Variants in TCF12 observed in about 807,000 individuals in gnomAD.
TCF12 encodes transcription factor 12, also known as DNA-binding protein HTF4.
TCF12 carries 45 observed loss-of-function variants against 86.0 expected under a neutral mutation model. The ratio of observed to expected loss-of-function variants is 0.52; its 90% CI spans 0.41 to 0.67. The LOEUF is 0.67. Among genes scored for constraint, TCF12 ranks in the 30% least tolerant of loss-of-function variants. TCF12 has a pLI of 0.00. For missense variants in TCF12, 881 were observed against 859.9 expected (o/e 1.02, Z -0.31); for synonymous variants, 330 against 299.6 (o/e 1.10, Z -1.05).
At chr15:57,044,606 T>C (rs1447409409) in intron 3 of TCF12, among the ~76,000 whole-genome samples, 1 of 152,180 alleles carries the variant, frequency 6.6e-6, no homozygotes, top group African/African-American at 2.4e-5. Flanking sequence ...TTGTAATTTT[T>C]TTTTCAGCCT....
At chr15:57,290,948 C>T (rs1221282761), downstream of TCF12, 3 of 152,172 alleles carry the variant, frequency 2.0e-5, no homozygotes, top group African/African-American at 7.2e-5. Flanking sequence ...TAGCTGATCT[C>T]ATTGGGCCAA....
At chr15:57,118,006 A>G (rs765153745) in intron 5 of TCF12, among the ~76,000 whole-genome samples, 6 of 152,090 alleles carry the variant, frequency 3.9e-5, no homozygotes, top group Non-Finnish European at 8.8e-5. Context: ...TCTTTGTTCT[A>G]TCAGTTCTTG....
chr15:56,932,072 G>C lies in TCF12; in HGVS notation c.148+10974G>C, dbSNP rs546148068. ...CAAGCTTAGGAACAGTGCCTGTAGC[G>C]AGCAGACTCTATTCTCACTGAGTTT... On this transcript the variant is annotated intron_variant, in intron 3 of 20. Coordinates refer to ENST00000333725, the MANE Select transcript of TCF12 (RefSeq NM_207037.2). Among the ~76,000 whole-genome samples, 113 of 152,224 alleles carry C rather than the reference G, an allele frequency of 7.4e-4. 2 individuals carry two copies. In the South Asian group the frequency reaches 0.022, roughly 30 times the overall value.
intron 5 of TCF12, among the ~76,000 whole-genome samples, chr15:57,124,084 G>A (rs1461847003): frequency 6.6e-6 from 1 of 151,838 alleles, no homozygotes; most frequent in Non-Finnish European, 1.5e-5. Flanking sequence ...CAAAGTGCTG[G>A]GATTATAGAT....
chr15:57,235,717 GACA>G (rs2059353471), intron 12 of TCF12, among the ~76,000 whole-genome samples: 1 of 152,110 alleles, frequency 6.6e-6, no homozygotes, highest in African/African-American at 2.4e-5. Flanking sequence ...CATGTAACAG[GACA>G]AATAACATTT....
At chr15:57,032,981 A>G (rs186089362) in intron 3 of TCF12, among the ~76,000 whole-genome samples, 1 of 152,294 alleles carries the variant, frequency 6.6e-6, no homozygotes, top group East Asian at 1.9e-4. Context: ...ATCAACAAAG[A>G]AGTAAAAGGT....
intron 5 of TCF12, among the ~76,000 whole-genome samples, chr15:57,161,556 T>C (rs553882987): frequency 6.6e-6 from 1 of 152,352 alleles, no homozygotes; most frequent in East Asian, 1.9e-4. Flanking sequence ...ATATGTCTTA[T>C]TCTTGTATAT....
At chr15:57,177,635 A>AGAGAGAGAGAGAGAGAGAGT (rs1567572959) in intron 6 of TCF12, among the ~76,000 whole-genome samples, 2 of 151,994 alleles carry the variant, frequency 1.3e-5, no homozygotes, top group Middle Eastern at 3.4e-3. Context: ...AGAGAGAGAG[A>AGAGAGAGAGAGAGAGAGAGT]GAGTTGGATT....
chr15:57,000,665 T>A (rs1341474671), intron 3 of TCF12, among the ~76,000 whole-genome samples: 3 of 151,962 alleles, frequency 2.0e-5, no homozygotes, highest in Non-Finnish European at 4.4e-5. Context: ...AAATAAGAAA[T>A]CAGTGAACAT....
chr15:56,932,142 T>C (rs1422939203), intron 3 of TCF12, among the ~76,000 whole-genome samples: 1 of 152,202 alleles, frequency 6.6e-6, no homozygotes, highest in African/African-American at 2.4e-5. Flanking sequence ...AGTAGGACTT[T>C]GTCCACTGAA....
intron 5 of TCF12, among the ~76,000 whole-genome samples, chr15:57,129,141 TC>T (rs2051910009): frequency 6.6e-6 from 1 of 152,216 alleles, no homozygotes; most frequent in African/African-American, 2.4e-5. Flanking sequence ...CATTTTACAA[TC>T]CCATCAGCAA....
chr15:57,067,512 C>T (rs1056107065), intron 4 of TCF12, among the ~76,000 whole-genome samples: 35 of 125,650 alleles, frequency 2.8e-4, no homozygotes, highest in African/African-American at 1.1e-3. Flanking sequence ...GCACTCCAGC[C>T]TGGGCGACAG....
intron 14 of TCF12, 42 bp from the exon 15 acceptor site, chr15:57,252,378 CT>C: frequency 6.5e-7 from 1 of 1,526,866 alleles, no homozygotes; most frequent in Non-Finnish European, 9.1e-7. Flanking sequence ...TGGAGTTAAT[CT>C]TAACCTGTGC....
intron 5 of TCF12, among the ~76,000 whole-genome samples, chr15:57,111,596 T>TA (rs1455849877): frequency 1.4e-5 from 2 of 147,798 alleles, no homozygotes; most frequent in Non-Finnish European, 3.0e-5. Flanking sequence ...CTTTTTTTTT[T>TA]TTTTTTTTTT....
chr15:57,046,513 G>A lies in TCF12; in HGVS notation c.149-17237G>A, dbSNP rs184052398. On this transcript the variant is annotated intron_variant, in intron 3 of 20. Transcript: ENST00000333725. ...GCTGGAGTGCAGTGGTATGATCTCC[G>A]CTCACTGCAACCTCTGCCTCCCAGG... Among the ~76,000 whole-genome samples, 556 of 152,198 alleles carry A rather than the reference G, an allele frequency of 3.7e-3. 6 individuals carry two copies. Among genetic ancestry groups the A allele is most frequent in the African/African-American group, 0.013 (529 of 41,538 alleles).
intron 3 of TCF12, among the ~76,000 whole-genome samples, chr15:56,938,839 A>C (rs918088158): frequency 1.3e-5 from 2 of 152,136 alleles, no homozygotes; most frequent in Admixed American, 1.3e-4. Context: ...CATTCAGTCC[A>C]TAACACAGTC....
chr15:57,027,852 C>T (rs905863579), intron 3 of TCF12, among the ~76,000 whole-genome samples: 17 of 152,168 alleles, frequency 1.1e-4, no homozygotes, highest in African/African-American at 2.9e-4. Flanking sequence ...CCCCTGCACA[C>T]GCTCTCTTGC....
chr15:56,923,939 G>A (rs2430963), intron 3 of TCF12, among the ~76,000 whole-genome samples: 1,874 of 152,058 alleles, frequency 0.012, 41 homozygotes, highest in African/African-American at 0.043. Flanking sequence ...AAAATTTTCA[G>A]AGATAATTGT....
chr15:57,007,051 T>A (rs1238660653), intron 3 of TCF12, among the ~76,000 whole-genome samples: 1 of 152,232 alleles, frequency 6.6e-6, no homozygotes, highest in African/African-American at 2.4e-5. Context: ...TTGTGTCATT[T>A]GTAAGGTTAA....
Sources: gnomAD v4.1 joint callset for allele counts (sites outside exome capture counted in the v4.1 genomes callset) on GRCh38, gnomAD v4.1.1 for gene constraint, MANE v1.5 for transcripts, NCBI Gene and HGNC (gene_info 2026-07-23, HGNC 2026-07-21) for gene names.